The following GAB1 variants were observed in gnomAD, a reference collection of about 807,000 sequenced individuals.
The protein encoded by GAB1 is GRB2 associated binding protein 1, also known as GRB2-associated-binding protein 1.
Under a neutral mutation model 66.5 loss-of-function variants are expected in GAB1, and 19 were observed. The observed-to-expected ratio is 0.29, with a 90% CI of 0.20 to 0.42. The LOEUF (loss-of-function observed/expected upper bound fraction) is 0.42, where lower values mean the gene tolerates loss of function less well. GAB1 is among the 10% of genes least tolerant of loss of function. The pLI is 1.00. For synonymous variants in GAB1, 294 were observed against 301.4 expected (o/e 0.98, Z 0.25); for missense variants, 732 against 858.5 (o/e 0.85, Z 1.84).
Position 143,438,576 on chromosome 4 carries a change from G to A in GAB1, c.1171G>A (p.Val391Met). 1.2e-6 allele frequency: 2 copies of A among 1,613,634 alleles called. No individual in the cohort carries two copies. The highest frequency in any genetic ancestry group is 1.1e-5 in the South Asian group (1 of 91,014). ...SPSRSNTIST[V>M]DLNKLRKDAS... ...TTCACGTAGTAATACCATTTCCACT[G>A]TGGATTTAAACAAATTGCGAAAAGG... The change falls in exon 4 of 10, where the codon GTG becomes ATG. Residue 391 changes from valine (V) to methionine (M), a missense_variant. Coordinates refer to ENST00000262994, the MANE Select transcript of GAB1 (RefSeq NM_002039.4).
At position 143,373,513 on chromosome 4, in the gene GAB1, A is replaced by G. The variant is rs190338075; in HGVS notation, c.72+36253A>G. Among the ~76,000 whole-genome samples the G allele has an allele frequency of 2.0e-5, 3 of 152,228 alleles. No individual in the cohort carries two copies. In the East Asian group the frequency reaches 5.8e-4, roughly 29 times the overall value. ...GTCTTCATTTCATGATGGCATTTCT[A>G]TCTGGTACTAGGCTTAACAAAAAAC... On this transcript the variant is annotated intron_variant, in intron 1 of 9. Coordinates refer to ENST00000262994, the MANE Select transcript of GAB1 (RefSeq NM_002039.4).
At chr4:143,400,439 T>C (rs1475089793) in intron 1 of GAB1, among the ~76,000 whole-genome samples, 1 of 152,226 alleles carries the variant, frequency 6.6e-6, no homozygotes, top group Non-Finnish European at 1.5e-5. Flanking sequence ...TTTCTAATTA[T>C]TCCTTATAAC....
chr4:143,469,746 C>T lies in GAB1; in HGVS notation c.*557C>T, dbSNP rs932329112. 1 of 153,186 alleles carries T rather than the reference C, an allele frequency of 6.5e-6. No individual in the cohort carries two copies. The highest frequency in any genetic ancestry group is 1.5e-5 in the Non-Finnish European group (1 of 68,440). The allele number at this position is 153,186 out of a possible 1,614,324, so 9.5% of individuals were successfully genotyped here. On this transcript the variant is annotated 3_prime_UTR_variant, in exon 10 of 10. Coordinates refer to ENST00000262994, the MANE Select transcript of GAB1 (RefSeq NM_002039.4). ...CAAAATGCTGAGGATAATGTATGTA[C>T]TGGTGTCAGGACCTAGTTCTCTGGT...
At chr4:143,426,946 A>T (rs1158230047) in intron 2 of GAB1, among the ~76,000 whole-genome samples, 1 of 152,222 alleles carries the variant, frequency 6.6e-6, no homozygotes, top group African/African-American at 2.4e-5. Context: ...AATGAAATGC[A>T]TTACTGATGC....
chr4:143,434,001 T>C, intron 3 of GAB1: 1 of 759,662 alleles, frequency 1.3e-6, no homozygotes. Context: ...TAGTCTTTGT[T>C]ACAGACTCAC....
intron 1 of GAB1, among the ~76,000 whole-genome samples, chr4:143,341,266 A>G (rs1728815609): frequency 6.6e-6 from 1 of 151,874 alleles, no homozygotes; most frequent in South Asian, 2.1e-4. Context: ...TACAGAAAAC[A>G]AGTAAAGTCT....
intron 7 of GAB1, 151 bp downstream of exon 7, chr4:143,459,629 C>T: frequency 1.6e-6 from 1 of 627,760 alleles, no homozygotes; most frequent in Non-Finnish European, 2.8e-6. Context: ...AAACCATTTT[C>T]ATTAATATAT....
rs115235371 is a variant in GAB1 at position 143,341,237 on chromosome 4, A to C, written c.72+3977A>C. Among the ~76,000 whole-genome samples the C allele has an allele frequency of 5.1e-3, 770 of 152,362 alleles. 2 individuals carry two copies. The highest frequency in any genetic ancestry group is 7.6e-3 in the Non-Finnish European group (520 of 68,030). ...TTAAGGACCTGATGGAATCATAAAC[A>C]GATTACTGTCACTAGGATTACAGAA... is the stretch of plus-strand genomic sequence containing the variant. On this transcript the variant is annotated intron_variant, in intron 1 of 9. Coordinates refer to ENST00000262994, the MANE Select transcript of GAB1 (RefSeq NM_002039.4).
chr4:143,341,147 G>T (rs532804366), intron 1 of GAB1, among the ~76,000 whole-genome samples: 1 of 152,210 alleles, frequency 6.6e-6, no homozygotes, highest in African/African-American at 2.4e-5. Flanking sequence ...TCTTTTCAGG[G>T]TTGCTACTGT....
At position 143,443,080 on chromosome 4, in the gene GAB1, G is replaced by C. The variant is rs566853803; in HGVS notation, c.1585+2698G>C. Among the ~76,000 whole-genome samples, 12 of 148,158 alleles carry C rather than the reference G, an allele frequency of 8.1e-5. No individual in the cohort carries two copies. The East Asian group carries it at 2.2e-3, about 27-fold the overall frequency. On this transcript the variant is annotated intron_variant, in intron 6 of 9. Coordinates refer to ENST00000262994, the MANE Select transcript of GAB1 (RefSeq NM_002039.4). Reference sequence around the variant, plus strand: ...TGCCCAGGCTGGAGTGCAGTGGCGCGATCTCGGCTCACTGCAAGCTCCGCC... The same window carrying C: ...TGCCCAGGCTGGAGTGCAGTGGCGCCATCTCGGCTCACTGCAAGCTCCGCC...
At chr4:143,412,501 A>G (rs1732448877) in intron 1 of GAB1, among the ~76,000 whole-genome samples, 1 of 152,252 alleles carries the variant, frequency 6.6e-6, no homozygotes, top group Non-Finnish European at 1.5e-5. Flanking sequence ...GCTATGGCAA[A>G]TAAAGCAGGC....
intron 1 of GAB1, among the ~76,000 whole-genome samples, chr4:143,374,647 G>A (rs1407997487): frequency 6.6e-6 from 1 of 152,136 alleles, no homozygotes; most frequent in Non-Finnish European, 1.5e-5. Context: ...GGGTTCACAT[G>A]GGCATCATTG....
chr4:143,449,741 T>C (rs1386829183), intron 6 of GAB1, among the ~76,000 whole-genome samples: 19 of 152,230 alleles, frequency 1.2e-4, no homozygotes, highest in Admixed American at 1.2e-3. Flanking sequence ...TGACTCTTTA[T>C]CCAATTTGCC....
chr4:143,472,357 C>G lies in GAB1; in HGVS notation c.*3168C>G, dbSNP rs541363392. ...TACTACTTTACTTGTACATTAAGGT[C>G]ATAATTTCTGCTGGACTCTTTTATA... is the stretch of plus-strand genomic sequence containing the variant. On this transcript the variant is annotated 3_prime_UTR_variant, in exon 10 of 10. Coordinates refer to ENST00000262994, the MANE Select transcript of GAB1 (RefSeq NM_002039.4). 1 of 152,196 alleles carries G rather than the reference C, an allele frequency of 6.6e-6. No homozygotes were observed. Among genetic ancestry groups the G allele is most frequent in the South Asian group, 2.1e-4 (1 of 4,818 alleles). 9.4% of individuals were successfully genotyped at this position (152,196 alleles called of 1,614,324 possible).
chr4:143,443,806 A>G (rs1734365053), intron 6 of GAB1, among the ~76,000 whole-genome samples: 2 of 152,336 alleles, frequency 1.3e-5, no homozygotes, highest in African/African-American at 4.8e-5. Flanking sequence ...AGCCCCAATT[A>G]TAGATGTCAG....
chr4:143,352,017 T>C (rs1229407243), intron 1 of GAB1, among the ~76,000 whole-genome samples: 2 of 152,244 alleles, frequency 1.3e-5, no homozygotes, highest in Non-Finnish European at 2.9e-5. Context: ...GTCATTGAGA[T>C]GGCTGAGCCT....
intron 1 of GAB1, among the ~76,000 whole-genome samples, chr4:143,399,767 A>G (rs2149697655): frequency 6.6e-6 from 1 of 152,238 alleles, no homozygotes; most frequent in East Asian, 1.9e-4. Flanking sequence ...GTTAAATGGT[A>G]ATTTTAAAAT....
intron 1 of GAB1, among the ~76,000 whole-genome samples, chr4:143,382,410 C>T (rs1424427841): frequency 6.6e-6 from 1 of 152,110 alleles, no homozygotes; most frequent in Admixed American, 6.5e-5. Context: ...AAGTGTGTTT[C>T]CCTCAGGAAT....
At chr4:143,369,880 CA>C (rs1345701237) in intron 1 of GAB1, among the ~76,000 whole-genome samples, 1 of 152,182 alleles carries the variant, frequency 6.6e-6, no homozygotes, top group Non-Finnish European at 1.5e-5. Flanking sequence ...TTCAAATAAG[CA>C]AAAGGCCTAG....
Sources: allele counts gnomAD v4.1 joint callset (sites outside exome capture counted in the v4.1 genomes callset), GRCh38; gene constraint gnomAD v4.1.1; transcripts MANE v1.5; gene names NCBI Gene and HGNC (gene_info 2026-07-23, HGNC 2026-07-21).